Variants in MGAT4C observed in about 807,000 individuals in gnomAD.
MGAT4C encodes the protein alpha-1,3-mannosyl-glycoprotein 4-beta-N-acetylglucosaminyltransferase C.
Under a neutral mutation model 40.1 loss-of-function variants are expected in MGAT4C, and 19 were observed. That is an observed-to-expected ratio of 0.47 (90% CI 0.33 to 0.70). MGAT4C has a LOEUF of 0.70. Ranked by LOEUF, MGAT4C falls within the 30% of genes least tolerant of loss-of-function variation. The pLI, the probability that MGAT4C is intolerant of heterozygous loss-of-function variation, is 0.02. For synonymous variants in MGAT4C, 181 were observed against 187.1 expected (o/e 0.97, Z 0.27); for missense variants, 491 against 563.2 (o/e 0.87, Z 1.30).
intron 1 of MGAT4C, among the ~76,000 whole-genome samples, chr12:86,067,361 T>C (rs978709655): frequency 6.6e-6 from 1 of 152,182 alleles, no homozygotes; most frequent in East Asian, 1.9e-4. Context: ...ATATACACTA[T>C]GGAATACTAT....
intron 1 of MGAT4C, among the ~76,000 whole-genome samples, chr12:86,832,480 A>T (rs1328586449): frequency 2.6e-5 from 4 of 151,858 alleles, no homozygotes; most frequent in Non-Finnish European, 5.9e-5. Context: ...TAAGTCACAT[A>T]CTCTATGAGA....
At chr12:86,817,769 G>GC (rs1169927623) in intron 1 of MGAT4C, among the ~76,000 whole-genome samples, 1 of 151,346 alleles carries the variant, frequency 6.6e-6, no homozygotes, top group Non-Finnish European at 1.5e-5. Context: ...CAGAAATAAA[G>GC]CCAAAATTGA....
chr12:86,343,191 C>A (rs1954938505), intron 3 of MGAT4C, among the ~76,000 whole-genome samples: 1 of 151,962 alleles, frequency 6.6e-6, no homozygotes, highest in Non-Finnish European at 1.5e-5. Flanking sequence ...GAGATGAGGG[C>A]AAAAGAAACA....
chr12:86,270,359 G>A (rs547037480), intron 4 of MGAT4C, among the ~76,000 whole-genome samples: 13 of 152,176 alleles, frequency 8.5e-5, no homozygotes, highest in Admixed American at 7.8e-4. Context: ...GGGATTACAG[G>A]TGTGAGCCAC....
intron 3 of MGAT4C, among the ~76,000 whole-genome samples, chr12:86,416,103 AAT>A (rs1479876575): frequency 6.6e-6 from 1 of 152,070 alleles, no homozygotes; most frequent in Admixed American, 6.6e-5. Flanking sequence ...CCAAAAATCT[AAT>A]AGAGACAGAG....
intron 3 of MGAT4C, among the ~76,000 whole-genome samples, chr12:86,350,789 C>G (rs1285477083): frequency 6.6e-6 from 1 of 152,020 alleles, no homozygotes; most frequent in Non-Finnish European, 1.5e-5. Context: ...TTACAATAGA[C>G]TGAAATGTTT....
intron 2 of MGAT4C, among the ~76,000 whole-genome samples, chr12:86,021,121 C>G (rs945108210): frequency 3.3e-5 from 5 of 152,132 alleles, no homozygotes; most frequent in Admixed American, 2.6e-4. Context: ...GAAACAGGAA[C>G]ACTTTTACAC....
intron 2 of MGAT4C, among the ~76,000 whole-genome samples, chr12:86,660,015 C>G (rs546359407): frequency 1.3e-5 from 2 of 151,212 alleles, no homozygotes; most frequent in South Asian, 4.2e-4. Context: ...CCAGCACCCT[C>G]TATTTACACA....
intron 1 of MGAT4C, among the ~76,000 whole-genome samples, chr12:86,784,260 G>C (rs995576756): frequency 6.6e-6 from 1 of 152,094 alleles, no homozygotes; most frequent in Non-Finnish European, 1.5e-5. Flanking sequence ...TGGAAAAAGA[G>C]ATATGGAGTG....
chr12:86,086,604 A>G (rs775679997), intron 1 of MGAT4C, among the ~76,000 whole-genome samples: 1 of 152,088 alleles, frequency 6.6e-6, no homozygotes, highest in Non-Finnish European at 1.5e-5. Flanking sequence ...TGATATAAGC[A>G]ATATATAATA....
intron 2 of MGAT4C, among the ~76,000 whole-genome samples, chr12:86,519,273 T>C (rs1203808883): frequency 5.3e-5 from 8 of 152,228 alleles, no homozygotes; most frequent in Admixed American, 5.2e-4. Flanking sequence ...CCATTGTGTA[T>C]ACATAATACA....
chr12:86,715,905 G>A (rs1950638765), intron 2 of MGAT4C, among the ~76,000 whole-genome samples: 1 of 152,052 alleles, frequency 6.6e-6, no homozygotes, highest in Non-Finnish European at 1.5e-5. Flanking sequence ...TTGTGTTTCT[G>A]AAAAGGAAAG....
At chr12:86,361,033 T>C (rs1390820317) in intron 3 of MGAT4C, among the ~76,000 whole-genome samples, 2 of 75,810 alleles carry the variant, frequency 2.6e-5, no homozygotes, top group Admixed American at 1.4e-4. Context: ...GCAAGGACAA[T>C]CCTAAGCCAA....
chr12:86,587,271 G>A (rs1222284978), intron 2 of MGAT4C, among the ~76,000 whole-genome samples: 7 of 151,808 alleles, frequency 4.6e-5, no homozygotes, highest in Admixed American at 1.3e-4. Context: ...GTAGATATGC[G>A]GCATTATTTC....
At chr12:86,789,514 C>T (rs1951987973) in intron 1 of MGAT4C, among the ~76,000 whole-genome samples, 1 of 152,032 alleles carries the variant, frequency 6.6e-6, no homozygotes, top group Non-Finnish European at 1.5e-5. Context: ...TTGTCAGTAC[C>T]TAACTCCTCA....
chr12:86,603,699 T>C (rs1333583712), intron 2 of MGAT4C, among the ~76,000 whole-genome samples: 3 of 131,020 alleles, frequency 2.3e-5, no homozygotes, highest in South Asian at 2.3e-4. Flanking sequence ...AGACTATATA[T>C]TATCTATAGT....
intron 3 of MGAT4C, among the ~76,000 whole-genome samples, chr12:86,398,002 A>G (rs1041507027): frequency 6.6e-6 from 1 of 152,192 alleles, no homozygotes; most frequent in Admixed American, 6.5e-5. Flanking sequence ...TTTTAGCATC[A>G]GAATATTTGG....
chr12:86,005,798 C>G (rs1565847114), intron 2 of MGAT4C, among the ~76,000 whole-genome samples: 1 of 152,060 alleles, frequency 6.6e-6, no homozygotes, highest in Non-Finnish European at 1.5e-5. Context: ...TCTTCCTTTC[C>G]TTATGTAAAT....
chr12:86,060,453 G>A (rs1291624692), intron 1 of MGAT4C, among the ~76,000 whole-genome samples: 2 of 152,056 alleles, frequency 1.3e-5, no homozygotes. Context: ...TGGCTATTTA[G>A]TCGTATCATG....
Sources: allele counts gnomAD v4.1 joint callset (sites outside exome capture counted in the v4.1 genomes callset), GRCh38; gene constraint gnomAD v4.1.1; transcripts MANE v1.5; gene names NCBI Gene and HGNC (gene_info 2026-07-23, HGNC 2026-07-21).